PICALM: variants seen among roughly 807,000 people sequenced by gnomAD.
PICALM encodes the protein phosphatidylinositol-binding clathrin assembly protein.
Under a neutral mutation model 80.5 loss-of-function variants are expected in PICALM, and 40 were observed. The ratio of observed to expected loss-of-function variants is 0.50; its 90% CI spans 0.39 to 0.65. The LOEUF (loss-of-function observed/expected upper bound fraction) is 0.65, where lower values mean the gene tolerates loss of function less well. Ranked by LOEUF, PICALM falls within the 30% of genes least tolerant of loss-of-function variation. The probability of loss-of-function intolerance (pLI) is 0.00; values close to 1 mark genes in which losing one functional copy is unlikely to be tolerated. For synonymous variants in PICALM, 288 were observed against 260.3 expected (o/e 1.11, Z -1.02); for missense variants, 676 against 778.9 (o/e 0.87, Z 1.57).
At chr11:85,985,199 C>T (rs1217970037) in intron 13 of PICALM, among the ~76,000 whole-genome samples, 1 of 152,100 alleles carries the variant, frequency 6.6e-6, no homozygotes, top group African/African-American at 2.4e-5. Flanking sequence ...ATGTGTAACA[C>T]CAGGACATAA....
chr11:85,963,669 A>T (rs1479927758), intron 19 of PICALM, among the ~76,000 whole-genome samples: 1 of 152,168 alleles, frequency 6.6e-6, no homozygotes, highest in African/African-American at 2.4e-5. Flanking sequence ...CCACTACTCT[A>T]ATCAATCAAT....
intron 1 of PICALM, among the ~76,000 whole-genome samples, chr11:86,036,364 T>C (rs1470049022): frequency 6.6e-6 from 1 of 152,232 alleles, no homozygotes; most frequent in Non-Finnish European, 1.5e-5. Flanking sequence ...TAAAATTTTA[T>C]CTGTAAAGTT....
At chr11:86,006,476 G>A (rs1046076610) in intron 8 of PICALM, among the ~76,000 whole-genome samples, 19 of 152,012 alleles carry the variant, frequency 1.2e-4, no homozygotes, top group African/African-American at 4.6e-4. Flanking sequence ...GGAAAACCCC[G>A]TCTCTACTAA....
chr11:86,048,530 TA>T (rs2096117301), intron 1 of PICALM, among the ~76,000 whole-genome samples: 1 of 151,924 alleles, frequency 6.6e-6, no homozygotes, highest in African/African-American at 2.4e-5. Flanking sequence ...TTACTAAAGC[TA>T]ATGTTAATAA....
intron 4 of PICALM, among the ~76,000 whole-genome samples, chr11:86,015,928 T>C (rs1422684053): frequency 6.6e-6 from 1 of 152,212 alleles, no homozygotes; most frequent in Non-Finnish European, 1.5e-5. Context: ...CAACTGTGCT[T>C]TGTAGGACAC....
chr11:86,055,646 G>T (rs1265891380), intron 1 of PICALM, among the ~76,000 whole-genome samples: 1 of 152,044 alleles, frequency 6.6e-6, no homozygotes, highest in Non-Finnish European at 1.5e-5. Flanking sequence ...AACTTCAAAA[G>T]ATTAAAAACC....
chr11:85,992,859 G>A (rs2094832362), intron 12 of PICALM, among the ~76,000 whole-genome samples: 1 of 152,176 alleles, frequency 6.6e-6, no homozygotes, highest in South Asian at 2.1e-4. Context: ...AAACACCTTA[G>A]AGAAGAATAT....
chr11:86,008,988 G>C (rs1311134232), intron 7 of PICALM, among the ~76,000 whole-genome samples: 2 of 150,988 alleles, frequency 1.3e-5, no homozygotes, highest in African/African-American at 4.9e-5. Context: ...GTAAGGTAAG[G>C]GACTCTTCAT....
intron 1 of PICALM, among the ~76,000 whole-genome samples, chr11:86,067,392 G>A (rs1173394328): frequency 2.0e-5 from 3 of 152,180 alleles, no homozygotes; most frequent in Non-Finnish European, 4.4e-5. Flanking sequence ...TCCCTGAAAA[G>A]TTTCAGGTCT....
At position 85,958,373 on chromosome 11, in the gene PICALM, G is replaced by A. The variant is rs1228163170; in HGVS notation, c.*673C>T. ...ATATTTAGTGCTCTGTATGTCAGCT[G>A]AGAAAAGCATTCTGAATCAGATTCA... On this transcript the variant is annotated 3_prime_UTR_variant, in exon 20 of 20. Coordinates refer to ENST00000393346, the MANE Select transcript of PICALM (RefSeq NM_007166.4). The A allele has an allele frequency of 8.0e-5, 17 of 213,432 alleles. No homozygotes were observed. The East Asian group carries it at 1.1e-3, about 14-fold the overall frequency. The allele number at this position is 213,432 out of a possible 1,614,324, so 13.2% of individuals were successfully genotyped here. A position where few individuals can be genotyped will look rare whatever the true frequency, so the allele number is the denominator to read the frequency against.
intron 19 of PICALM, among the ~76,000 whole-genome samples, chr11:85,970,158 T>C (rs2094051577): frequency 6.6e-6 from 1 of 152,150 alleles, no homozygotes. Context: ...TTCATGAAGC[T>C]TATAATCTAG....
Position 86,014,322 on chromosome 11 carries a change from CAG to C in PICALM, c.546+546_546+547del, listed in dbSNP as rs1321055129. On this transcript the variant is annotated intron_variant, in intron 5 of 19. Coordinates refer to ENST00000393346, the MANE Select transcript of PICALM (RefSeq NM_007166.4). The stretch of plus-strand genomic sequence containing the variant: ...ATTGTTAAGATAGATGACAAAAAAA[CAG>C]AACAGAGTTGAAAACGTTAACTTCT... Among the ~76,000 whole-genome samples, 5 of 152,184 alleles carry C rather than the reference CAG, an allele frequency of 3.3e-5. 1 individual carries two copies. The East Asian group carries it at 9.6e-4, about 29-fold the overall frequency.
intron 2 of PICALM, among the ~76,000 whole-genome samples, chr11:86,027,011 G>A (rs1464475341): frequency 1.3e-5 from 2 of 152,098 alleles, no homozygotes; most frequent in South Asian, 2.1e-4. Context: ...ATTTACACAA[G>A]TATCATAGTG....
chr11:86,025,315 G>T (rs143442781), intron 3 of PICALM, among the ~76,000 whole-genome samples: 5 of 151,890 alleles, frequency 3.3e-5, no homozygotes, highest in African/African-American at 1.2e-4. Flanking sequence ...CAGGAGAATC[G>T]CTTGAACCCG....
chr11:86,057,997 C>T (rs2096296334), intron 1 of PICALM, among the ~76,000 whole-genome samples: 1 of 152,138 alleles, frequency 6.6e-6, no homozygotes, highest in South Asian at 2.1e-4. Context: ...TAGTTAAATG[C>T]TAATGTTTCA....
chr11:85,982,167 C>T (rs1280456069), intron 14 of PICALM, 164 bp from the exon 15 acceptor site: 1 of 602,960 alleles, frequency 1.7e-6, no homozygotes, highest in Non-Finnish European at 2.9e-6. Flanking sequence ...AAAGTCACCA[C>T]TTCATACTGA....
intron 14 of PICALM, 77 bp from the exon 15 acceptor site, chr11:85,982,080 C>G (rs2094456217): frequency 7.7e-7 from 1 of 1,301,678 alleles, no homozygotes; most frequent in East Asian, 2.3e-5. Context: ...AGGTCTTTGC[C>G]TTTTCTCCTT....
At chr11:86,017,498 T>G (rs1397548835) in intron 4 of PICALM, among the ~76,000 whole-genome samples, 1 of 152,202 alleles carries the variant, frequency 6.6e-6, no homozygotes, top group Non-Finnish European at 1.5e-5. Flanking sequence ...TACAAAAAGT[T>G]CATTTGTTGA....
At chr11:85,968,244 T>C (rs111428035) in intron 19 of PICALM, among the ~76,000 whole-genome samples, 24,355 of 152,086 alleles carry the variant, frequency 0.16, 2,542 homozygotes, top group Middle Eastern at 0.24. Context: ...TGAGCCATGA[T>C]TGTGCCATTG....
Sources: allele counts gnomAD v4.1 joint callset (sites outside exome capture counted in the v4.1 genomes callset), GRCh38; gene constraint gnomAD v4.1.1; transcripts MANE v1.5; gene names NCBI Gene and HGNC (gene_info 2026-07-23, HGNC 2026-07-21).